The following ERCC2 variants were observed in gnomAD, a reference collection of about 807,000 sequenced individuals.
ERCC2 encodes general transcription and DNA repair factor IIH helicase subunit XPD.
Under a neutral mutation model 99.4 loss-of-function variants are expected in ERCC2, and 90 were observed. The ratio of observed to expected loss-of-function variants is 0.91; its 90% confidence interval spans 0.76 to 1.08. The LOEUF is 1.08. Among genes scored for constraint, ERCC2 ranks in the 50% least tolerant of loss-of-function variants. The pLI is 0.00. For missense variants in ERCC2, 993 were observed against 1,038.1 expected, an observed-to-expected ratio of 0.96 and a Z score of 0.60; for synonymous variants, 497 against 432.4, an observed-to-expected ratio of 1.15 and a Z score of -1.85.
At position 45,352,210 on chromosome 19, in the gene ERCC2, C is replaced by A. The variant is rs759412116; in HGVS notation, c.2189G>T (p.Arg730Leu). 1 of 1,613,628 alleles carries A rather than the reference C, an allele frequency of 6.2e-7. No homozygotes were observed. Among genetic ancestry groups the A allele is most frequent in the African/African-American group, 1.3e-5 (1 of 75,040 alleles). ...CCGGGAGGGGGACGCAGGCCTCACC[C>A]GGTGGAAGGGCTGTGCCATCTGCCG... Reference protein sequence around the residue: ...FLRQMAQPFHREDQLGLSLLS... With the variant: ...FLRQMAQPFHLEDQLGLSLLS... Residue 730 changes from arginine to leucine, a missense_variant and splice_region_variant, in exon 22 of 23, where the codon CGG (arginine) becomes CTG (leucine). Physicochemically the swap from Arg to Leu is moderately radical, Grantham distance 102. Around this residue, in one of 3 missense-constraint regions of ERCC2, gnomAD observed 909 missense variants for 930.8 expected, o/e 0.98. Coordinates refer to ENST00000391945, the MANE Select transcript of ERCC2 (RefSeq NM_000400.4).
Position 45,364,931 on chromosome 19 carries a change from C to T in ERCC2, c.501G>A (p.Glu167=). 1.2e-6 allele frequency: 2 copies of T among 1,614,114 alleles called. No individual in the cohort carries two copies. The highest frequency in any genetic ancestry group is 1.7e-6 in the Non-Finnish European group (2 of 1,180,010). The change falls in exon 7 of 23, where the codon GAG becomes GAA. Residue 167 remains glutamate, a synonymous_variant. Transcript: ENST00000391945. Reference sequence around the variant, plus strand: ...TGTAGATGCCAGCGGGGAGGGGCACCTCACGCCCATGGGCATCAAATTCCT... The same window carrying T: ...TGTAGATGCCAGCGGGGAGGGGCACTTCACGCCCATGGGCATCAAATTCCT... ...FYEEFDAHGR[E]VPLPAGIYNL... is the part of the protein sequence containing the mutation.
intron 16 of ERCC2, 35 bp from the exon 17 acceptor site, chr19:45,354,886 C>T (rs552101509): frequency 1.9e-6 from 3 of 1,613,268 alleles, no homozygotes; most frequent in South Asian, 1.1e-5. Context: ...CTCTCCTGGC[C>T]CAGGTCCTCC....
At position 45,364,431 on chromosome 19, in the gene ERCC2, G is replaced by A. The variant is rs2123291144; in HGVS notation, c.711C>T (p.His237=). The change falls in exon 8 of 23, where the codon CAC becomes CAT. Residue 237 remains histidine, a synonymous_variant. Coordinates refer to ENST00000391945, the MANE Select transcript of ERCC2 (RefSeq NM_000400.4). ...RKAVVVFDEA[H]NIDNVCIDSM... ...CCCTGGCGCCCCCCTCACCAATGTT[G>A]TGGGCCTCGTCGAAGACCACGACGG... 3 of 1,613,988 alleles carry A rather than the reference G, an allele frequency of 1.9e-6. No homozygotes were observed. The highest frequency in any genetic ancestry group is 2.5e-6 in the Non-Finnish European group (3 of 1,180,008).
chr19:45,353,783 G>C (rs1399970929), intron 17 of ERCC2, among the ~76,000 whole-genome samples: 1 of 152,178 alleles, frequency 6.6e-6, no homozygotes, highest in Admixed American at 6.5e-5. Context: ...ACTGGAGCAA[G>C]TGGATTTTCA....
Position 45,361,616 on chromosome 19 carries a change from A to T in ERCC2, c.1145T>A (p.Leu382Gln). The T allele has an allele frequency of 6.2e-7, 1 of 1,613,898 alleles. No individual in the cohort carries two copies. Residue 382 changes from leucine to glutamine, a missense_variant, in exon 12 of 23, where the codon CTG becomes CAG. Physicochemically the swap from Leu to Gln is moderately radical, Grantham distance 113 (BLOSUM62 -2). Coordinates refer to ENST00000391945, the MANE Select transcript of ERCC2 (RefSeq NM_000400.4). ...GTCGGTGATCTCCAGAGTATGCAGC[A>T]GGGACCGGAGGCGTTCAGCACAGAA... Reference protein sequence around the residue: ...LRFCAERLRSLLHTLEITDLA... With the variant: ...LRFCAERLRSQLHTLEITDLA...
rs752975302 is a variant in ERCC2 at position 45,353,238 on chromosome 19, C to T, written c.1758+4G>A. On this transcript the variant is annotated splice_donor_region_variant and intron_variant, in intron 18 of 22. Transcript: ENST00000391945. The stretch of plus-strand genomic sequence containing the variant: ...CCCTCTCCACGCTGGCCTCGCACAC[C>T]CACCTCCTGGTACTTCTCCAGGGCG... 1 of 1,613,862 alleles carries T rather than the reference C, an allele frequency of 6.2e-7. No homozygotes were observed. The highest frequency in any genetic ancestry group is 1.7e-5 in the Admixed American group (1 of 60,016).
intron 15 of ERCC2, among the ~76,000 whole-genome samples, chr19:45,355,969 T>C (rs1971999574): frequency 1.3e-5 from 2 of 152,162 alleles, no homozygotes; most frequent in South Asian, 4.1e-4. Context: ...CTAAACTTTT[T>C]ATAAACACAG....
chr19:45,368,490 G>T, intron 5 of ERCC2, 140 bp downstream of exon 5: 2 of 712,050 alleles, frequency 2.8e-6, no homozygotes, highest in South Asian at 3.0e-5. Flanking sequence ...ATGAGAATTT[G>T]ACCACTGAGA....
At position 45,350,848 on chromosome 19, in the gene ERCC2, A is replaced by T. The variant is rs1253504416; in HGVS notation, c.*781T>A. 2 of 1,045,792 alleles carry T rather than the reference A, an allele frequency of 1.9e-6. No homozygotes were observed. The highest frequency in any genetic ancestry group is 2.6e-6 in the Non-Finnish European group (2 of 771,244). 64.8% of individuals were successfully genotyped at this position (1,045,792 alleles called of 1,614,324 possible). A position where few individuals can be genotyped will look rare whatever the true frequency, so the allele number is the denominator to read the frequency against. The stretch of plus-strand genomic sequence containing the variant: ...TGCTCAAGAACCTTCCATGGCTCCC[A>T]TCTCCCCTGTGATACACACAGATCA... On this transcript the variant is annotated 3_prime_UTR_variant, in exon 23 of 23. Coordinates refer to ENST00000391945, the MANE Select transcript of ERCC2 (RefSeq NM_000400.4).
chr19:45,359,154 G>A (rs1412332332), intron 12 of ERCC2, among the ~76,000 whole-genome samples: 3 of 152,102 alleles, frequency 2.0e-5, no homozygotes, highest in African/African-American at 7.2e-5. Flanking sequence ...GTCAGGGAGG[G>A]CTTCCTGGAG....
In ERCC2 at chr19:45,357,245, C is replaced by T. The variant is rs960798964; in HGVS notation, c.1479+25G>A. ...CCTTGCCCCCATCTCCCCTCCCGGC[C>T]CCAGCCCTAGCCTCTCCCACTCACC... On this transcript the variant is annotated intron_variant, in intron 15 of 22. Coordinates refer to ENST00000391945, the MANE Select transcript of ERCC2 (RefSeq NM_000400.4). 6 of 1,581,014 alleles carry T rather than the reference C, an allele frequency of 3.8e-6. No individual in the cohort carries two copies. The Admixed American group carries it at 5.1e-5, about 13-fold the overall frequency.
intron 11 of ERCC2, among the ~76,000 whole-genome samples, chr19:45,362,459 T>C (rs1361260291): frequency 1.3e-5 from 2 of 152,180 alleles, no homozygotes; most frequent in Non-Finnish European, 2.9e-5. Context: ...CACTCACGCA[T>C]GTGCAGGGCC....
intron 16 of ERCC2, 95 bp from the exon 17 acceptor site, chr19:45,354,946 G>A: frequency 6.5e-7 from 1 of 1,529,866 alleles, no homozygotes; most frequent in South Asian, 1.1e-5. Context: ...CACTGAGGCT[G>A]CCTGTCAGGC....
At chr19:45,356,690 C>G (rs539830433) in intron 15 of ERCC2, among the ~76,000 whole-genome samples, 6 of 152,158 alleles carry the variant, frequency 3.9e-5, no homozygotes, top group Non-Finnish European at 7.3e-5. Context: ...CATGCCTGTA[C>G]CAGCTACTCA....
rs776313922 is a variant in ERCC2 at position 45,365,088 on chromosome 19, G to A, written c.431C>T (p.Ala144Val). ...CHSLTASYVR[A>V]QYQHDTSLPH... ...CAGGCTGGTGTCATGCTGGTACTGC[G>A]CCCGCACATAGGAGGCTGTGAGGCT... Residue 144 changes from alanine to valine, a missense_variant, in exon 6 of 23, where the codon GCG becomes GTG. By Grantham distance (64) the Ala-to-Val change is moderately conservative (BLOSUM62 0). Transcript: ENST00000391945. 25 of 1,614,018 alleles carry A rather than the reference G, an allele frequency of 1.5e-5. No individual in the cohort carries two copies. Among genetic ancestry groups the A allele is most frequent in the East Asian group, 1.3e-4 (6 of 44,896 alleles).
Position 45,350,671 on chromosome 19 carries a change from A to C in ERCC2, c.*958T>G. On this transcript the variant is annotated 3_prime_UTR_variant, in exon 23 of 23. Transcript: ENST00000391945. The stretch of plus-strand genomic sequence containing the variant: ...TCGCCGCAGCAGCTCACTCTCCAAG[A>C]TCCGTGAGTCTATCAGGCGAGGAAG... The C allele has an allele frequency of 6.2e-7, 1 of 1,613,664 alleles. No individual in the cohort carries two copies. Among genetic ancestry groups the C allele is most frequent in the Non-Finnish European group, 8.5e-7 (1 of 1,179,874 alleles).
intron 5 of ERCC2, among the ~76,000 whole-genome samples, chr19:45,368,000 C>T (rs947673119): frequency 1.7e-4 from 26 of 151,238 alleles, no homozygotes; most frequent in Admixed American, 1.2e-3. Flanking sequence ...TGGGTACAAG[C>T]GATTGGCATT....
intron 16 of ERCC2, 137 bp downstream of exon 16, chr19:45,355,528 G>A (rs1270756771): frequency 1.4e-5 from 12 of 834,300 alleles, no homozygotes; most frequent in Non-Finnish European, 2.3e-5. Flanking sequence ...CAGTGGACGT[G>A]TACCACGGGC....
At chr19:45,354,920 G>T in intron 16 of ERCC2, 69 bp from the exon 17 acceptor site, 1 of 1,605,212 alleles carries the variant, frequency 6.2e-7, no homozygotes, top group Admixed American at 1.7e-5. Flanking sequence ...TTAGAACTAG[G>T]AGTTTCTGGA....
Sources: allele counts gnomAD v4.1 joint callset (sites outside exome capture counted in the v4.1 genomes callset), GRCh38; gene constraint gnomAD v4.1.1; regional missense constraint gnomAD v4.1.1; transcripts MANE v1.5; gene names NCBI Gene and HGNC (gene_info 2026-07-23, HGNC 2026-07-21).